The following IFRD1 variants were observed in gnomAD, a reference collection of about 807,000 sequenced individuals.
IFRD1 encodes the protein interferon-related developmental regulator 1.
IFRD1 carries 35 observed loss-of-function variants against 52.9 expected under a neutral mutation model. That is an observed-to-expected ratio of 0.66 (90% CI 0.51 to 0.88). IFRD1 has a LOEUF of 0.88. IFRD1 is among the 40% of genes least tolerant of loss of function. The pLI, the probability that IFRD1 is intolerant of heterozygous loss-of-function variation, is 0.00. For synonymous variants in IFRD1, 184 were observed against 188.4 expected (o/e 0.98, Z 0.19); for missense variants, 517 against 550.8 (o/e 0.94, Z 0.61).
At chr7:112,435,232 C>G (rs1446370484) in intron 1 of IFRD1, among the ~76,000 whole-genome samples, 1 of 152,206 alleles carries the variant, frequency 6.6e-6, no homozygotes, top group Non-Finnish European at 1.5e-5. Context: ...CAACACAAAA[C>G]CACCCGCGGA....
chr7:112,456,147 A>G, intron 3 of IFRD1, 61 bp downstream of exon 3: 1 of 947,936 alleles, frequency 1.1e-6, no homozygotes, highest in Admixed American at 1.7e-5. Flanking sequence ...TCAAAAGCTA[A>G]GAGAAATGAT....
chr7:112,435,135 T>A (rs1794641381), intron 1 of IFRD1, among the ~76,000 whole-genome samples: 1 of 152,212 alleles, frequency 6.6e-6, no homozygotes, highest in African/African-American at 2.4e-5. Context: ...AGAGTAATAT[T>A]TTATTGGACG....
At chr7:112,446,691 C>T (rs1000171436), upstream of IFRD1, among the ~76,000 whole-genome samples, 1 of 151,948 alleles carries the variant, frequency 6.6e-6, no homozygotes, top group Non-Finnish European at 1.5e-5. Flanking sequence ...GTGGGAAGCT[C>T]GGGTTGATCA....
chr7:112,432,064 C>T (rs1794559824), intron 1 of IFRD1, among the ~76,000 whole-genome samples: 1 of 152,210 alleles, frequency 6.6e-6, no homozygotes, highest in African/African-American at 2.4e-5. Flanking sequence ...CATTTAGCCA[C>T]ATCCTCTTAT....
chr7:112,468,887 A>G (rs893839902), intron 9 of IFRD1, among the ~76,000 whole-genome samples: 1 of 152,240 alleles, frequency 6.6e-6, no homozygotes, highest in Non-Finnish European at 1.5e-5. Context: ...TCATTATCTG[A>G]TGCTTGAATT....
intron 1 of IFRD1, chr7:112,437,260 G>A (rs926015569): frequency 2.6e-5 from 4 of 154,818 alleles, no homozygotes; most frequent in African/African-American, 9.6e-5. Context: ...CAAAAAATAT[G>A]TATGGAGTGT....
At chr7:112,471,109 A>G (rs1795733605) in intron 9 of IFRD1, among the ~76,000 whole-genome samples, 1 of 152,202 alleles carries the variant, frequency 6.6e-6, no homozygotes, top group African/African-American at 2.4e-5. Flanking sequence ...TTCTGAATTA[A>G]AGAAGATTGA....
intron 1 of IFRD1, among the ~76,000 whole-genome samples, chr7:112,430,345 C>T (rs1794522088): frequency 6.6e-6 from 1 of 152,164 alleles, no homozygotes; most frequent in Admixed American, 6.5e-5. Flanking sequence ...GCCGGGAATA[C>T]AGCAGATAGG....
At chr7:112,432,233 A>T (rs1038562140) in intron 1 of IFRD1, among the ~76,000 whole-genome samples, 2 of 152,234 alleles carry the variant, frequency 1.3e-5, no homozygotes, top group African/African-American at 2.4e-5. Context: ...CAGAGTGTAC[A>T]GTTTTTAGAA....
chr7:112,451,054 G>A (rs564297088), intron 1 of IFRD1: 3 of 476,216 alleles, frequency 6.3e-6, no homozygotes, highest in Admixed American at 3.7e-5. Flanking sequence ...CGGGACAGGG[G>A]CTGACCGGGA....
chr7:112,469,108 G>A (rs1035204787), intron 9 of IFRD1, among the ~76,000 whole-genome samples: 3 of 152,124 alleles, frequency 2.0e-5, no homozygotes, highest in Non-Finnish European at 2.9e-5. Context: ...GATTTGAAGG[G>A]TGTGTTTCTT....
At chr7:112,447,394 C>G (rs761182521), upstream of IFRD1, among the ~76,000 whole-genome samples, 16 of 152,220 alleles carry the variant, frequency 1.1e-4, no homozygotes, top group Non-Finnish European at 2.2e-4. Flanking sequence ...TATTTTGCCT[C>G]CTGATATATG....
At chr7:112,441,708 C>T (rs1794894698) in intron 1 of IFRD1, among the ~76,000 whole-genome samples, 1 of 152,176 alleles carries the variant, frequency 6.6e-6, no homozygotes, top group Non-Finnish European at 1.5e-5. Flanking sequence ...TCTCTCAGTT[C>T]TAATTCTGAA....
chr7:112,465,305 G>A (rs1795580413), intron 8 of IFRD1, among the ~76,000 whole-genome samples: 2 of 152,168 alleles, frequency 1.3e-5, no homozygotes, highest in African/African-American at 2.4e-5. Flanking sequence ...AGTGACTTCT[G>A]TATAGAAATA....
chr7:112,457,939 T>G (rs1795336480), intron 4 of IFRD1: 1 of 152,196 alleles, frequency 6.6e-6, no homozygotes, highest in Non-Finnish European at 1.5e-5. Flanking sequence ...AGTGAAACCT[T>G]TGATCAAATT....
chr7:112,458,165 A>G (rs574464811), intron 4 of IFRD1: 3 of 152,266 alleles, frequency 2.0e-5, no homozygotes, highest in East Asian at 3.9e-4. Context: ...TATTTTTTAC[A>G]TTTTTAATTT....
intron 8 of IFRD1, 104 bp from the exon 9 acceptor site, chr7:112,467,876 AT>A (rs769916033): frequency 3.8e-6 from 4 of 1,049,894 alleles, no homozygotes; most frequent in Non-Finnish European, 5.8e-6. Flanking sequence ...ACATTGCCTT[AT>A]GCAACTGGAT....
chr7:112,440,669 G>A (rs974844782), intron 1 of IFRD1, among the ~76,000 whole-genome samples: 3 of 152,174 alleles, frequency 2.0e-5, no homozygotes, highest in Admixed American at 2.0e-4. Context: ...TTTCATCTGA[G>A]TGTAAAAGAT....
intron 1 of IFRD1, among the ~76,000 whole-genome samples, chr7:112,454,450 C>T (rs1795239442): frequency 6.6e-6 from 1 of 152,142 alleles, no homozygotes. Context: ...GCCTCAGCCT[C>T]CCAAAGTGCT....
Sources: gnomAD v4.1 joint callset for allele counts (sites outside exome capture counted in the v4.1 genomes callset) on GRCh38, gnomAD v4.1.1 for gene constraint, MANE v1.5 for transcripts, NCBI Gene and HGNC (gene_info 2026-07-23, HGNC 2026-07-21) for gene names.